CD44: variants seen among roughly 807,000 people sequenced by gnomAD.
CD44 encodes the protein CD44 antigen.
Under a neutral mutation model 88.8 loss-of-function variants are expected in CD44, and 49 were observed. The ratio of observed to expected loss-of-function variants is 0.55; its 90% CI spans 0.44 to 0.70. The LOEUF (loss-of-function observed/expected upper bound fraction) is 0.70, where lower values mean the gene tolerates loss of function less well. CD44 is among the 30% of genes least tolerant of loss of function. The pLI is 0.00. For missense variants in CD44, 883 were observed against 913.8 expected, an observed-to-expected ratio of 0.97 and a Z score of 0.43; for synonymous variants, 325 against 312.3, an observed-to-expected ratio of 1.04 and a Z score of -0.43.
Position 35,190,041 on chromosome 11 carries a change from A to C in CD44, c.643A>C (p.Ser215Arg). 6.2e-7 allele frequency: 1 copy of C among 1,614,078 alleles called. No individual in the cohort carries two copies. Among genetic ancestry groups the C allele is most frequent in the Non-Finnish European group, 8.5e-7 (1 of 1,179,894 alleles). The part of the protein sequence containing the change: ...PDEDSPWITD[S>R]TDRIPATTLM... ...CGAAGACAGTCCCTGGATCACCGAC[A>C]GCACAGACAGAATCCCTGCTACCAG... is the stretch of plus-strand genomic sequence containing the variant. Residue 215 changes from serine to arginine, a missense_variant, in exon 5 of 18, where the codon AGC (serine) becomes CGC (arginine). This residue lies in a region of CD44 where 252 missense variants were observed against 322.9 expected (regional missense o/e 0.78). Transcript: ENST00000428726.
intron 11 of CD44, 42 bp from the exon 12 acceptor site, chr11:35,208,063 G>T: frequency 8.2e-7 from 1 of 1,226,306 alleles, no homozygotes; most frequent in Non-Finnish European, 1.2e-6. Context: ...TCAGGTAGTG[G>T]TTTGGGAAAT....
intron 7 of CD44, among the ~76,000 whole-genome samples, chr11:35,199,934 G>GTTTTTTT (rs60509735): frequency 1.6e-3 from 147 of 90,800 alleles, no homozygotes; most frequent in Middle Eastern, 8.9e-3. Context: ...CCATGGTGTT[G>GTTTTTTT]TTTTTTTTTT....
At chr11:35,196,452 A>G (rs1394496387) in intron 5 of CD44, among the ~76,000 whole-genome samples, 1 of 152,176 alleles carries the variant, frequency 6.6e-6, no homozygotes, top group Non-Finnish European at 1.5e-5. Context: ...CTTGCTAATT[A>G]GGCTTCTGAC....
At chr11:35,203,652 T>C (rs886409678) in intron 9 of CD44, among the ~76,000 whole-genome samples, 7 of 152,134 alleles carry the variant, frequency 4.6e-5, no homozygotes, top group African/African-American at 1.7e-4. Context: ...TTTTTACAAG[T>C]TGCAAAAAAG....
intron 1 of CD44, among the ~76,000 whole-genome samples, chr11:35,149,831 C>G (rs1859963899): frequency 6.6e-6 from 1 of 152,142 alleles, no homozygotes; most frequent in African/African-American, 2.4e-5. Context: ...TAATCCATGC[C>G]AGAAATAAAC....
At position 35,211,335 on chromosome 11, in the gene CD44, C is replaced by T; in HGVS notation, c.1696C>T (p.His566Tyr). Reference sequence around the variant, plus strand: ...GGAAGGTTATACCTCTCATTACCCACACACGAAGGAAAGCAGGACCTTCAT... The same window carrying T: ...GGAAGGTTATACCTCTCATTACCCATACACGAAGGAAAGCAGGACCTTCAT... ...LLEGYTSHYP[H>Y]TKESRTFIPV... The change falls in exon 14 of 18, where the codon CAC (histidine) becomes TAC (tyrosine). Residue 566 changes from histidine to tyrosine, a missense_variant. Physicochemically the swap from His to Tyr is moderately conservative, Grantham distance 83. This residue lies in a region of CD44 where 631 missense variants were observed against 590.9 expected (regional missense o/e 1.07). Coordinates refer to ENST00000428726, the MANE Select transcript of CD44 (RefSeq NM_000610.4). 1.9e-6 allele frequency: 3 copies of T among 1,613,974 alleles called. No homozygotes were observed. The highest frequency in any genetic ancestry group is 2.7e-5 in the African/African-American group (2 of 75,032).
At chr11:35,169,879 A>G (rs1309622976) in intron 1 of CD44, among the ~76,000 whole-genome samples, 1 of 152,212 alleles carries the variant, frequency 6.6e-6, no homozygotes, top group Non-Finnish European at 1.5e-5. Flanking sequence ...AGGAGGCAAC[A>G]TAGCATAGAG....
intron 1 of CD44, among the ~76,000 whole-genome samples, chr11:35,170,810 A>G (rs967167530): frequency 6.6e-6 from 1 of 152,192 alleles, no homozygotes; most frequent in Non-Finnish European, 1.5e-5. Context: ...TTGCCTCTCT[A>G]TAGTGGTTTG....
At chr11:35,141,668 T>G (rs59799056) in intron 1 of CD44, among the ~76,000 whole-genome samples, 14,935 of 152,232 alleles carry the variant, frequency 0.098, 953 homozygotes, top group Admixed American at 0.2. Context: ...AGACCCGCAG[T>G]CTCCCTCCTG....
chr11:35,174,736 C>T (rs904876291), intron 1 of CD44, among the ~76,000 whole-genome samples: 2 of 152,198 alleles, frequency 1.3e-5, no homozygotes, highest in East Asian at 1.9e-4. Context: ...TGAGAGCAAA[C>T]GACAGGCTTT....
At chr11:35,222,407 C>T (rs564810612) in intron 17 of CD44, 165 of 1,298,278 alleles carry the variant, frequency 1.3e-4, no homozygotes, top group Non-Finnish European at 1.6e-4. Flanking sequence ...ATAAGAAGAG[C>T]ACTGTTTCAT....
chr11:35,170,197 G>C (rs73436929), intron 1 of CD44, among the ~76,000 whole-genome samples: 6,202 of 152,296 alleles, frequency 0.041, 237 homozygotes, highest in African/African-American at 0.11. Context: ...GAGAGGTTAA[G>C]TAATTAACAA....
rs368409658 is a variant in CD44 at position 35,144,715 on chromosome 11, A to G, written c.67+5345A>G. ...GATTTTCTGGGAGAGTCAGGATCTC[A>G]AATATGCAAACACTCTACCAATTGA... On this transcript the variant is annotated intron_variant, in intron 1 of 17. Coordinates refer to ENST00000428726, the MANE Select transcript of CD44 (RefSeq NM_000610.4). Among the ~76,000 whole-genome samples, 109 of 152,348 alleles carry G rather than the reference A, an allele frequency of 7.2e-4. 1 individual carries two copies. In the South Asian group the frequency reaches 7.7e-3, roughly 11 times the overall value.
intron 1 of CD44, among the ~76,000 whole-genome samples, chr11:35,170,646 G>A (rs1292900033): frequency 6.6e-6 from 1 of 152,212 alleles, no homozygotes; most frequent in African/African-American, 2.4e-5. Context: ...AGACCAGAGG[G>A]CTCAACGGAA....
chr11:35,182,937 G>A (rs1945297899), intron 3 of CD44, among the ~76,000 whole-genome samples: 1 of 152,128 alleles, frequency 6.6e-6, no homozygotes, highest in African/African-American at 2.4e-5. Flanking sequence ...GCCTGGCATC[G>A]AAGCCATCTA....
Position 35,227,346 on chromosome 11 carries a change from C to T in CD44, c.2025-1783C>T, listed in dbSNP as rs562799850. Reference sequence around the variant, plus strand: ...GACTACAGGCACATGCCACCACAGCCGGCTTATCTTTGTATTTTGAATACA... The same window carrying T: ...GACTACAGGCACATGCCACCACAGCTGGCTTATCTTTGTATTTTGAATACA... On this transcript the variant is annotated intron_variant, in intron 17 of 17. Transcript: ENST00000428726. 8.5e-4 allele frequency among the ~76,000 whole-genome samples: 129 copies of T among 152,320 alleles called. 4 individuals carry two copies. In the South Asian group the frequency reaches 0.014, roughly 17 times the overall value.
At chr11:35,211,095 G>C in intron 13 of CD44, 151 bp from the exon 14 acceptor site, 4 of 636,230 alleles carry the variant, frequency 6.3e-6, no homozygotes, top group Non-Finnish European at 8.6e-6. Context: ...TATTTATTCT[G>C]TTCAATAGTA....
At chr11:35,228,078 T>G (rs1417617800) in intron 17 of CD44, among the ~76,000 whole-genome samples, 1 of 152,214 alleles carries the variant, frequency 6.6e-6, no homozygotes, top group African/African-American at 2.4e-5. Context: ...TATGCAACTT[T>G]CCTTCCTCTA....
At chr11:35,215,619 C>T (rs987171334) in intron 15 of CD44, among the ~76,000 whole-genome samples, 6 of 152,132 alleles carry the variant, frequency 3.9e-5, no homozygotes, top group African/African-American at 1.4e-4. Flanking sequence ...CACGGTGGCT[C>T]ACACCTGTAA....
Sources: gnomAD v4.1 joint callset for allele counts (sites outside exome capture counted in the v4.1 genomes callset) on GRCh38, gnomAD v4.1.1 for gene constraint, gnomAD v4.1.1 regional missense constraint, MANE v1.5 for transcripts, NCBI Gene and HGNC (gene_info 2026-07-23, HGNC 2026-07-21) for gene names.